The following MGAM2 variants were observed in gnomAD, a reference collection of about 807,000 sequenced individuals.
The protein encoded by MGAM2 is maltase-glucoamylase 2 (putative).
In MGAM2, 98 loss-of-function variants were observed where a neutral mutation model predicts 96.1. The observed-to-expected ratio is 1.02, with a 90% CI of 0.87 to 1.21. The LOEUF (loss-of-function observed/expected upper bound fraction) is 1.21. Among genes scored for constraint, MGAM2 ranks in the 50% most tolerant of loss-of-function variants. MGAM2 has a pLI of 0.00. For synonymous variants in MGAM2, 749 were observed against 414.8 expected (o/e 1.81, Z -9.79); for missense variants, 2,055 against 1,182.4 (o/e 1.74, Z -10.82).
chr7:142,143,811 G>A lies in MGAM2; in HGVS notation c.1360G>A (p.Val454Ile). 2.8e-6 allele frequency: 2 copies of A among 701,850 alleles called. No homozygotes were observed. Among genetic ancestry groups the A allele is most frequent in the East Asian group, 2.7e-5 (1 of 37,266 alleles). 43.5% of individuals were successfully genotyped at this position (701,850 alleles called of 1,614,324 possible). A position where few individuals can be genotyped will look rare whatever the true frequency, so the allele number is the denominator to read the frequency against. ...PTVFPDYTNPVCTEWWTDQVA... is the reference protein window; with the variant it reads ...PTVFPDYTNPICTEWWTDQVA... Reference sequence around the variant, plus strand: ...AGTCTTTCCCGATTATACCAATCCAGTATGCACTGAGTGGTGGACAGATCA... The same window carrying A: ...AGTCTTTCCCGATTATACCAATCCAATATGCACTGAGTGGTGGACAGATCA... The change falls in exon 13 of 48, where the codon GTA (valine) becomes ATA (isoleucine). Residue 454 changes from valine to isoleucine, a missense_variant. Coordinates refer to ENST00000477922, the MANE Select transcript of MGAM2 (RefSeq NM_001293626.2).
intron 46 of MGAM2, 57 bp downstream of exon 46, chr7:142,208,679 A>G (rs1234327914): frequency 8.7e-6 from 6 of 687,652 alleles, no homozygotes; most frequent in African/African-American, 1.8e-5. Flanking sequence ...CAGATTAAAC[A>G]TTACAGTTAA....
rs192832147 is a variant in MGAM2 at position 142,143,103 on chromosome 7, T to G, written c.1318-666T>G. Among the ~76,000 whole-genome samples, 399 of 152,296 alleles carry G rather than the reference T, an allele frequency of 2.6e-3. 10 individuals are homozygous for G. In the South Asian group the frequency reaches 0.06, roughly 23 times the overall value. ...ATATGTATTCATTATGTTCCCGGAG[T>G]GTAAAGTTGTTCCTAAATTACAATC... On this transcript the variant is annotated intron_variant, in intron 12 of 47. Transcript: ENST00000477922.
chr7:142,219,746 T>G (rs1797862991), intron 47 of MGAM2, 124 bp from the exon 48 acceptor site: 1 of 604,974 alleles, frequency 1.7e-6, no homozygotes, highest in Non-Finnish European at 2.9e-6. Flanking sequence ...AAGGAATGTT[T>G]ATATCCTATT....
At chr7:142,167,610 A>T in intron 26 of MGAM2, 124 bp downstream of exon 26, 1 of 629,542 alleles carries the variant, frequency 1.6e-6, no homozygotes, top group Admixed American at 2.4e-5. Context: ...TCTCCCACTG[A>T]CACCCAGGCT....
chr7:142,179,897 C>T (rs1796488455), intron 32 of MGAM2, among the ~76,000 whole-genome samples: 1 of 151,952 alleles, frequency 6.6e-6, no homozygotes, highest in East Asian at 1.9e-4. Flanking sequence ...GGAGGCATCC[C>T]TCCTCAAGTC....
chr7:142,123,870 C>T (rs1008867039), intron 3 of MGAM2, among the ~76,000 whole-genome samples: 11 of 151,792 alleles, frequency 7.2e-5, no homozygotes, highest in Non-Finnish European at 1.3e-4. Flanking sequence ...ACTATCTTTC[C>T]CTTAAAAGCA....
intron 23 of MGAM2, among the ~76,000 whole-genome samples, chr7:142,163,859 T>C (rs2129087492): frequency 6.6e-6 from 1 of 152,362 alleles, no homozygotes; most frequent in South Asian, 2.1e-4. Flanking sequence ...TAACATCTTT[T>C]CATATGTCTA....
Position 142,167,367 on chromosome 7 carries a change from C to A in MGAM2, c.2908C>A (p.Leu970Ile). ...CCTGAACACCAGCATCACTGCAGAC[C>A]TTTCCCTCCCGATGGCCCCTGAGTC... Reference protein sequence around the residue: ...QYLNTSITADLSLPMAPESAA... With the variant: ...QYLNTSITADISLPMAPESAA... The change falls in exon 26 of 48, where the codon CTT becomes ATT. Residue 970 changes from leucine (L) to isoleucine (I), a missense_variant. Leu to Ile is a conservative substitution (Grantham distance 5). Coordinates refer to ENST00000477922, the MANE Select transcript of MGAM2 (RefSeq NM_001293626.2). The A allele has an allele frequency of 1.4e-6, 1 of 702,888 alleles. No individual in the cohort carries two copies. Among genetic ancestry groups the A allele is most frequent in the Non-Finnish European group, 2.6e-6 (1 of 384,946 alleles). 43.5% of individuals were successfully genotyped at this position (702,888 alleles called of 1,614,324 possible).
chr7:142,166,541 T>C (rs1242049023), intron 25 of MGAM2, among the ~76,000 whole-genome samples: 1 of 152,212 alleles, frequency 6.6e-6, no homozygotes, highest in Non-Finnish European at 1.5e-5. Flanking sequence ...TCTTGTTTTG[T>C]CTGTTGGAGA....
intron 46 of MGAM2, among the ~76,000 whole-genome samples, chr7:142,213,696 A>G (rs1240265591): frequency 1.3e-5 from 2 of 152,158 alleles, no homozygotes; most frequent in African/African-American, 4.8e-5. Flanking sequence ...CCTACCAACC[A>G]AAACAGCCCA....
intron 15 of MGAM2, among the ~76,000 whole-genome samples, chr7:142,149,293 T>C (rs1257216880): frequency 1.3e-5 from 2 of 152,152 alleles, no homozygotes; most frequent in Non-Finnish European, 2.9e-5. Flanking sequence ...AGCTGTTCCC[T>C]CTCATCTGTG....
At chr7:142,136,699 T>TA (rs1795069388) in intron 8 of MGAM2, 59 bp downstream of exon 8, 1 of 619,086 alleles carries the variant, frequency 1.6e-6, no homozygotes, top group Admixed American at 2.9e-5. Context: ...TCTGCTTTTA[T>TA]AAAAAATTAC....
chr7:142,123,273 T>C (rs1205848883), intron 3 of MGAM2, among the ~76,000 whole-genome samples: 1 of 151,996 alleles, frequency 6.6e-6, no homozygotes, highest in Non-Finnish European at 1.5e-5. Flanking sequence ...TTGCATCAAA[T>C]TTTTGGGTAT....
chr7:142,189,533 A>G, intron 37 of MGAM2, 28 bp downstream of exon 37: 1 of 695,666 alleles, frequency 1.4e-6, no homozygotes, highest in South Asian at 1.6e-5. Flanking sequence ...ACAGCAGCAA[A>G]GATAATTTTC....
At chr7:142,201,323 G>A (rs1797225311) in intron 45 of MGAM2, among the ~76,000 whole-genome samples, 1 of 151,882 alleles carries the variant, frequency 6.6e-6, no homozygotes, top group Non-Finnish European at 1.5e-5. Flanking sequence ...ACCCACCTCG[G>A]CCTCCCAAAG....
intron 37 of MGAM2, among the ~76,000 whole-genome samples, chr7:142,192,233 C>A (rs916579537): frequency 6.6e-6 from 1 of 152,280 alleles, no homozygotes. Flanking sequence ...TTCTTCTTCC[C>A]TTTCCCACTT....
rs1797947104 is a variant in MGAM2 at position 142,222,034 on chromosome 7, C to A, written c.7523C>A (p.Ala2508Asp). The A allele has an allele frequency of 2.5e-6, 1 of 398,186 alleles. No homozygotes were observed. Among genetic ancestry groups the A allele is most frequent in the African/African-American group, 2.1e-5 (1 of 48,592 alleles). The allele number at this position is 398,186 out of a possible 1,614,324, so 24.7% of individuals were successfully genotyped here. A position where few individuals can be genotyped will look rare whatever the true frequency, so the allele number is the denominator to read the frequency against. The change falls in exon 48 of 48, where the codon GCC (alanine) becomes GAC (aspartate). Residue 2508 changes from alanine (A) to aspartate (D), a missense_variant. Coordinates refer to ENST00000477922, the MANE Select transcript of MGAM2 (RefSeq NM_001293626.2). ...ACTGCACCTACTTATATTGCAAATG[C>A]CATAAATGCTACTCAAGTTCCATGA... ...SATAPTYIANAINATQVP is the reference protein window; with the variant it reads ...SATAPTYIANDINATQVP
intron 36 of MGAM2, among the ~76,000 whole-genome samples, chr7:142,188,680 T>G (rs1796778577): frequency 6.6e-6 from 1 of 152,214 alleles, no homozygotes; most frequent in African/African-American, 2.4e-5. Flanking sequence ...GGTAAGAAAG[T>G]GACATGCATT....
chr7:142,160,010 C>A (rs543251143), intron 20 of MGAM2, 124 bp from the exon 21 acceptor site: 1 of 582,024 alleles, frequency 1.7e-6, no homozygotes, highest in Non-Finnish European at 3.0e-6. Flanking sequence ...CAAGTCACTT[C>A]ACTTTGGGGT....
Sources: allele counts gnomAD v4.1 joint callset (sites outside exome capture counted in the v4.1 genomes callset), GRCh38; gene constraint gnomAD v4.1.1; transcripts MANE v1.5; gene names NCBI Gene and HGNC (gene_info 2026-07-23, HGNC 2026-07-21).